The following RYR2 variants were observed in gnomAD, a reference collection of about 807,000 sequenced individuals.
The protein encoded by RYR2 is ryanodine receptor 2.
RYR2 carries 227 observed loss-of-function variants against 601.1 expected under a neutral mutation model. The ratio of observed to expected loss-of-function variants is 0.38; its 90% confidence interval spans 0.34 to 0.42. The LOEUF is 0.42. Ranked by LOEUF, RYR2 falls within the 10% of genes least tolerant of loss-of-function variation. The pLI is 1.00. For synonymous variants in RYR2, 2,223 were observed against 2,175.1 expected (o/e 1.02, Z -0.61); for missense variants, 4,646 against 6,156.5 (o/e 0.75, Z 8.21).
At chr1:237,061,189 G>A (rs148156637) in intron 1 of RYR2, among the ~76,000 whole-genome samples, 8 of 149,204 alleles carry the variant, frequency 5.4e-5, no homozygotes, top group Non-Finnish European at 1.2e-4. Flanking sequence ...TCAGGCTTTA[G>A]CCTGTTTTAA....
chr1:237,274,569 G>T (rs1690068753), intron 2 of RYR2, among the ~76,000 whole-genome samples: 1 of 152,090 alleles, frequency 6.6e-6, no homozygotes, highest in Non-Finnish European at 1.5e-5. Context: ...AATAAGCTAA[G>T]GTTAATTTAT....
chr1:237,572,472 T>A (rs12742423), intron 29 of RYR2, among the ~76,000 whole-genome samples: 7,677 of 152,280 alleles, frequency 0.05, 274 homozygotes, highest in East Asian at 0.13. Flanking sequence ...ACCATTGCAA[T>A]AATGAGATAG....
At position 237,613,023 on chromosome 1, in the gene RYR2, C is replaced by T. The variant is rs192986346; in HGVS notation, c.4911-1016C>T. On this transcript the variant is annotated intron_variant, in intron 36 of 104. Coordinates refer to ENST00000366574, the MANE Select transcript of RYR2 (RefSeq NM_001035.3). ...TGACACACAGTCATTTATACCACAC[C>T]GATTGGTAGAGTTGGGGCCCACATT... 2.9e-3 allele frequency among the ~76,000 whole-genome samples: 443 copies of T among 152,226 alleles called. 6 individuals are homozygous for T. The highest frequency in any genetic ancestry group is 0.01 in the African/African-American group (431 of 41,540).
intron 10 of RYR2, among the ~76,000 whole-genome samples, chr1:237,397,476 A>C (rs1277539262): frequency 6.6e-6 from 1 of 152,148 alleles, no homozygotes; most frequent in Non-Finnish European, 1.5e-5. Flanking sequence ...CATGGAGGTG[A>C]TATACATCAG....
intron 1 of RYR2, among the ~76,000 whole-genome samples, chr1:237,071,407 A>G (rs1664298191): frequency 6.6e-6 from 1 of 151,956 alleles, no homozygotes; most frequent in South Asian, 2.1e-4. Context: ...TATTTTTAGT[A>G]GAGACAAGGT....
chr1:237,377,484 A>G, intron 8 of RYR2, 49 bp downstream of exon 8: 1 of 1,373,960 alleles, frequency 7.3e-7, no homozygotes, highest in Non-Finnish European at 1.0e-6. Flanking sequence ...CTAAATGACA[A>G]GTCAATAAAA....
At chr1:237,592,737 T>G (rs1459332602) in intron 32 of RYR2, among the ~76,000 whole-genome samples, 1 of 151,604 alleles carries the variant, frequency 6.6e-6, no homozygotes, top group African/African-American at 2.4e-5. Context: ...AACCCAAACA[T>G]TGGCCAGGTG....
At chr1:237,340,507 A>C (rs985612152) in intron 3 of RYR2, among the ~76,000 whole-genome samples, 1 of 152,206 alleles carries the variant, frequency 6.6e-6, no homozygotes, top group Non-Finnish European at 1.5e-5. Context: ...GTACGTCCTC[A>C]TAACTGTGAA....
At chr1:237,809,066 C>T (rs1343949226) in intron 100 of RYR2, 31 bp downstream of exon 100, 1 of 1,591,562 alleles carries the variant, frequency 6.3e-7, no homozygotes, top group Non-Finnish European at 8.6e-7. Context: ...CTCACATAAA[C>T]AAAAATGTCT....
rs192296670 is a variant in RYR2, at chr1:237,360,577, G to C, written c.295-3781G>C. Among the ~76,000 whole-genome samples the C allele has an allele frequency of 3.6e-3, 545 of 152,244 alleles. 3 individuals are homozygous for C. Among genetic ancestry groups the C allele is most frequent in the African/African-American group, 0.013 (523 of 41,548 alleles). ...AGAGAAGACATTCCATTTAACTACT[G>C]TCTGTACAGAGCTGTTTATAGGTTG... On this transcript the variant is annotated intron_variant, in intron 4 of 104. Coordinates refer to ENST00000366574, the MANE Select transcript of RYR2 (RefSeq NM_001035.3).
At chr1:237,482,573 A>T (rs1662234453) in intron 17 of RYR2, among the ~76,000 whole-genome samples, 1 of 152,100 alleles carries the variant, frequency 6.6e-6, no homozygotes, top group South Asian at 2.1e-4. Flanking sequence ...CATTGTGTGT[A>T]TATACTGATT....
At chr1:237,319,645 T>A (rs573384181) in intron 2 of RYR2, among the ~76,000 whole-genome samples, 2 of 152,182 alleles carry the variant, frequency 1.3e-5, no homozygotes, top group African/African-American at 2.4e-5. Flanking sequence ...GTAATGATGG[T>A]ACAGAGATTG....
chr1:237,793,172 A>G (rs749752379), intron 94 of RYR2, among the ~76,000 whole-genome samples: 22 of 152,222 alleles, frequency 1.4e-4, no homozygotes, highest in Non-Finnish European at 2.2e-4. Flanking sequence ...ACCAGGGCTC[A>G]GAGTAAAAGA....
At chr1:237,286,629 C>A (rs895799001) in intron 2 of RYR2, among the ~76,000 whole-genome samples, 1 of 88,112 alleles carries the variant, frequency 1.1e-5, no homozygotes, top group Non-Finnish European at 2.5e-5. Context: ...GCTACCCGTA[C>A]TTGTTTTTGG....
intron 89 of RYR2, among the ~76,000 whole-genome samples, chr1:237,782,495 CA>C (rs1695204786): frequency 6.6e-6 from 1 of 152,192 alleles, no homozygotes; most frequent in South Asian, 2.1e-4. Context: ...AACTCCACTT[CA>C]GTTAACTGAG....
At chr1:237,709,134 C>T (rs550975801) in intron 69 of RYR2, 36 bp downstream of exon 69, 26 of 1,511,464 alleles carry the variant, frequency 1.7e-5, no homozygotes, top group African/African-American at 5.6e-5. Context: ...TTCTCCAATT[C>T]GGTCATAACG....
intron 2 of RYR2, among the ~76,000 whole-genome samples, chr1:237,305,185 A>G (rs1490141426): frequency 1.3e-5 from 2 of 152,218 alleles, no homozygotes; most frequent in Admixed American, 6.5e-5. Flanking sequence ...ACAAGGAAAC[A>G]TACATAAGAG....
At chr1:237,802,101 T>C in intron 98 of RYR2, 185 bp downstream of exon 98, 1 of 398,346 alleles carries the variant, frequency 2.5e-6, no homozygotes. Flanking sequence ...TTCCATTTCT[T>C]TCAATAGCTG....
At chr1:237,181,512 A>G (rs1407057639) in intron 1 of RYR2, among the ~76,000 whole-genome samples, 2 of 152,122 alleles carry the variant, frequency 1.3e-5, no homozygotes, top group African/African-American at 4.8e-5. Context: ...CAGCAGATGT[A>G]GAAACTGCTA....
Sources: gnomAD v4.1 joint callset for allele counts (sites outside exome capture counted in the v4.1 genomes callset) on GRCh38, gnomAD v4.1.1 for gene constraint, MANE v1.5 for transcripts, NCBI Gene and HGNC (gene_info 2026-07-23, HGNC 2026-07-21) for gene names.